The following MATN2 variants were observed in gnomAD, a reference collection of about 807,000 sequenced individuals.
MATN2 encodes the protein matrilin-2.
MATN2 carries 69 observed loss-of-function variants against 103.2 expected under a neutral mutation model. The ratio of observed to expected loss-of-function variants is 0.67; its 90% CI spans 0.55 to 0.82. The LOEUF (loss-of-function observed/expected upper bound fraction) is 0.82. Ranked by LOEUF, MATN2 falls within the 40% of genes least tolerant of loss-of-function variation. The pLI, the probability that MATN2 is intolerant of heterozygous loss-of-function variation, is 0.00. For synonymous variants in MATN2, 429 were observed against 450.2 expected (o/e 0.95, Z 0.60); for missense variants, 1,023 against 1,211.5 (o/e 0.84, Z 2.31).
At chr8:97,956,291 C>T (rs1811142618) in intron 4 of MATN2, among the ~76,000 whole-genome samples, 2 of 152,130 alleles carry the variant, frequency 1.3e-5, no homozygotes, top group South Asian at 4.1e-4. Flanking sequence ...GATTCTCCTG[C>T]CTCAGCCTCC....
chr8:97,988,219 C>CAT (rs60086528), intron 6 of MATN2, among the ~76,000 whole-genome samples: 9,382 of 123,890 alleles, frequency 0.076, 960 homozygotes, highest in African/African-American at 0.23. Context: ...TACACACATA[C>CAT]ATATATATAT....
intron 5 of MATN2, among the ~76,000 whole-genome samples, 196 bp from the exon 6 acceptor site, chr8:97,978,690 A>C (rs964626863): frequency 5.9e-5 from 9 of 152,226 alleles, no homozygotes; most frequent in African/African-American, 1.7e-4. Context: ...ATATCTTCCT[A>C]TATGAATTGC....
At chr8:97,917,283 C>T (rs1809663989) in intron 2 of MATN2, among the ~76,000 whole-genome samples, 1 of 152,240 alleles carries the variant, frequency 6.6e-6, no homozygotes, top group Non-Finnish European at 1.5e-5. Context: ...AGCACACTCA[C>T]CTGTCTCTGC....
intron 1 of MATN2, among the ~76,000 whole-genome samples, chr8:97,875,325 C>T (rs1818033230): frequency 6.6e-6 from 1 of 152,196 alleles, no homozygotes; most frequent in African/African-American, 2.4e-5. Flanking sequence ...TTCAAAATTT[C>T]TCCCGCAGCT....
chr8:97,999,861 CT>C (rs71271182), intron 7 of MATN2, among the ~76,000 whole-genome samples: 45,790 of 138,276 alleles, frequency 0.33, 7,539 homozygotes, highest in Admixed American at 0.43. Flanking sequence ...GTCACGGATT[CT>C]TTTTTTTTTT....
chr8:97,872,329 T>C (rs1249031301), intron 1 of MATN2, among the ~76,000 whole-genome samples: 5 of 152,222 alleles, frequency 3.3e-5, no homozygotes, highest in Admixed American at 3.3e-4. Context: ...TTTGGAAAGT[T>C]ATTCTAAAAG....
intron 12 of MATN2, among the ~76,000 whole-genome samples, chr8:98,019,853 T>C (rs1031048535): frequency 2.6e-5 from 4 of 152,254 alleles, no homozygotes; most frequent in African/African-American, 9.6e-5. Flanking sequence ...TTTTTGGGAA[T>C]TTCCTCACAG....
At chr8:97,938,403 C>T (rs924761181) in intron 3 of MATN2, among the ~76,000 whole-genome samples, 1 of 152,220 alleles carries the variant, frequency 6.6e-6, no homozygotes, top group Non-Finnish European at 1.5e-5. Flanking sequence ...TTAGGACCAT[C>T]GTTGCTGACA....
chr8:97,944,265 CTT>C (rs1348202473), intron 4 of MATN2, among the ~76,000 whole-genome samples: 1 of 152,194 alleles, frequency 6.6e-6, no homozygotes, highest in Non-Finnish European at 1.5e-5. Context: ...GACTGCCACA[CTT>C]TGAGATTCAC....
chr8:97,903,981 T>C (rs1475492627), intron 2 of MATN2, among the ~76,000 whole-genome samples: 1 of 152,240 alleles, frequency 6.6e-6, no homozygotes, highest in East Asian at 1.9e-4. Context: ...CCTTGCATTA[T>C]TGAGGTAAAC....
Position 98,022,885 on chromosome 8 carries a change from C to T in MATN2, c.1942+1558C>T, listed in dbSNP as rs979400700. ...GGCAGATCACCTGAGATCAGGAGTT[C>T]GAGACCAGCCTGGCCAACATGACAA... On this transcript the variant is annotated intron_variant, in intron 13 of 18. Transcript: ENST00000254898. Among the ~76,000 whole-genome samples, 66 of 152,068 alleles carry T rather than the reference C, an allele frequency of 4.3e-4. 2 individuals carry two copies. Among genetic ancestry groups the T allele is most frequent in the Admixed American group, 4.1e-3 (63 of 15,272 alleles).
At chr8:98,009,174 A>G (rs771427693) in intron 10 of MATN2, among the ~76,000 whole-genome samples, 2 of 152,234 alleles carry the variant, frequency 1.3e-5, no homozygotes, top group Non-Finnish European at 2.9e-5. Context: ...CAGGAACCGT[A>G]TAGGAGAGAT....
chr8:97,904,525 T>C (rs1218181743), intron 2 of MATN2, among the ~76,000 whole-genome samples: 1 of 152,192 alleles, frequency 6.6e-6, no homozygotes, highest in East Asian at 1.9e-4. Context: ...GGGATGGGTG[T>C]GTGTGCTGCA....
intron 4 of MATN2, among the ~76,000 whole-genome samples, chr8:97,949,514 C>T (rs920753714): frequency 9.9e-5 from 15 of 151,988 alleles, no homozygotes; most frequent in African/African-American, 3.4e-4. Flanking sequence ...ACCATGTGTT[C>T]GCAAAATTGG....
intron 14 of MATN2, among the ~76,000 whole-genome samples, 164 bp from the exon 15 acceptor site, chr8:98,030,298 T>C (rs903336717): frequency 3.9e-5 from 6 of 152,128 alleles, no homozygotes; most frequent in Non-Finnish European, 8.8e-5. Context: ...CTTTTGTTCA[T>C]AGGACCAAAA....
chr8:97,911,042 G>A (rs1176024055), intron 2 of MATN2, among the ~76,000 whole-genome samples: 1 of 152,148 alleles, frequency 6.6e-6, no homozygotes, highest in Non-Finnish European at 1.5e-5. Flanking sequence ...ATGCTGGAGT[G>A]CAAGGGAGTG....
rs75840077 is a variant in MATN2, at chr8:97,994,938, G to A, written c.1204+336G>A. On this transcript the variant is annotated intron_variant, in intron 7 of 18. Transcript: ENST00000254898. ...AGAATGGGCCCAGAGATGAGAGGTA[G>A]AAGGAGTTGGTTTCTTCTACTCCTA... Among the ~76,000 whole-genome samples the A allele has an allele frequency of 8.7e-3, 1,325 of 152,330 alleles. 28 individuals carry two copies. The highest frequency in any genetic ancestry group is 0.03 in the African/African-American group (1,265 of 41,574).
chr8:97,875,315 T>C (rs1337204277), intron 1 of MATN2, among the ~76,000 whole-genome samples: 6 of 152,206 alleles, frequency 3.9e-5, no homozygotes, highest in African/African-American at 1.4e-4. Flanking sequence ...TGTTAAACTC[T>C]TCAAAATTTC....
chr8:97,884,961 A>G (rs1180693895), intron 1 of MATN2, among the ~76,000 whole-genome samples: 1 of 152,216 alleles, frequency 6.6e-6, no homozygotes, highest in Non-Finnish European at 1.5e-5. Context: ...AGGGTAAGTA[A>G]CCTGCTCAGG....
Sources: gnomAD v4.1 joint callset for allele counts (sites outside exome capture counted in the v4.1 genomes callset) on GRCh38, gnomAD v4.1.1 for gene constraint, MANE v1.5 for transcripts, NCBI Gene and HGNC (gene_info 2026-07-23, HGNC 2026-07-21) for gene names.